The following DDAH1 variants were observed in gnomAD, a reference collection of about 807,000 sequenced individuals.
The protein encoded by DDAH1 is N(G),N(G)-dimethylarginine dimethylaminohydrolase 1.
Under a neutral mutation model 28.8 loss-of-function variants are expected in DDAH1, and 19 were observed. The observed-to-expected ratio is 0.66, with a 90% confidence interval of 0.46 to 0.97. DDAH1 has a LOEUF of 0.97. Ranked by LOEUF, DDAH1 falls within the 50% of genes least tolerant of loss-of-function variation. The probability of loss-of-function intolerance (pLI) is 0.00; values close to 1 mark genes in which losing one functional copy is unlikely to be tolerated. For synonymous variants in DDAH1, 153 were observed against 154.4 expected (o/e 0.99, Z 0.07); for missense variants, 326 against 375.9 (o/e 0.87, Z 1.10).
chr1:85,410,362 G>A (rs981492676), intron 1 of DDAH1, among the ~76,000 whole-genome samples: 33 of 152,060 alleles, frequency 2.2e-4, no homozygotes, highest in Middle Eastern at 3.4e-3. Context: ...AAATGAGGCC[G>A]GGCATGGTGG....
intron 1 of DDAH1, among the ~76,000 whole-genome samples, chr1:85,383,220 T>C (rs1651086850): frequency 1.3e-5 from 2 of 152,196 alleles, no homozygotes; most frequent in Non-Finnish European, 2.9e-5. Context: ...TTGTGATTCA[T>C]GGGAGGAGGT....
At chr1:85,492,267 T>C (rs777743676) in intron 2 of DDAH1, among the ~76,000 whole-genome samples, 5 of 152,052 alleles carry the variant, frequency 3.3e-5, no homozygotes, top group African/African-American at 4.8e-5. Flanking sequence ...AAATAGAAAA[T>C]GTTCAGAAAT....
intron 1 of DDAH1, among the ~76,000 whole-genome samples, chr1:85,426,925 A>AAC (rs1553133525): frequency 6.2e-5 from 9 of 146,084 alleles, no homozygotes; most frequent in African/African-American, 2.2e-4. Context: ...AAAAAACAAA[A>AAC]AAAAAAAAAA....
At chr1:85,344,473 G>C (rs1379408071) in intron 4 of DDAH1, among the ~76,000 whole-genome samples, 1 of 152,188 alleles carries the variant, frequency 6.6e-6, no homozygotes, top group Non-Finnish European at 1.5e-5. Flanking sequence ...GTCCCTCCCA[G>C]GTGGGGTCAG....
chr1:85,469,479 A>G (rs1403347677), upstream of DDAH1, among the ~76,000 whole-genome samples: 3 of 152,262 alleles, frequency 2.0e-5, no homozygotes, highest in Non-Finnish European at 4.4e-5. Context: ...TCATAGAGTT[A>G]TTATAAATGT....
At chr1:85,506,920 G>A (rs1657038108) in intron 1 of DDAH1, among the ~76,000 whole-genome samples, 1 of 152,188 alleles carries the variant, frequency 6.6e-6, no homozygotes, top group Non-Finnish European at 1.5e-5. Flanking sequence ...GCAGTAGTCA[G>A]AGAGTGACCA....
In DDAH1 at chr1:85,351,487, TA is replaced by T. The variant is rs1357815460; in HGVS notation, c.477+18del. The T allele has an allele frequency of 1.2e-6, 2 of 1,607,292 alleles. No homozygotes were observed. Among genetic ancestry groups the T allele is most frequent in the Non-Finnish European group, 1.7e-6 (2 of 1,173,920 alleles). ...TTAAGTAATTGCTTTGTGCCAGGCA[TA>T]AACTACCTTTTACCTACCTTAAAAG... On this transcript the variant is annotated intron_variant, in intron 3 of 5. Coordinates refer to ENST00000284031, the MANE Select transcript of DDAH1 (RefSeq NM_012137.4).
At chr1:85,573,169 A>C in intron 1 of DDAH1, among the ~76,000 whole-genome samples, 1 of 152,202 alleles carries the variant, frequency 6.6e-6, no homozygotes, top group Non-Finnish European at 1.5e-5. Context: ...AACTGCTTGA[A>C]TACTCCCTTA....
At chr1:85,471,417 G>C (rs1655618208) in intron 2 of DDAH1, among the ~76,000 whole-genome samples, 1 of 152,124 alleles carries the variant, frequency 6.6e-6, no homozygotes, top group Non-Finnish European at 1.5e-5. Context: ...TATGCCATTT[G>C]TTTTTTACCA....
At chr1:85,451,060 G>A (rs184368164) in intron 1 of DDAH1, among the ~76,000 whole-genome samples, 44 of 152,306 alleles carry the variant, frequency 2.9e-4, no homozygotes, top group East Asian at 1.9e-4. Context: ...TGGCACAGGC[G>A]CTGGGTGACT....
chr1:85,334,501 G>A (rs1481993023), intron 4 of DDAH1, among the ~76,000 whole-genome samples: 1 of 152,216 alleles, frequency 6.6e-6, no homozygotes, highest in African/African-American at 2.4e-5. Flanking sequence ...GACCCGGAGG[G>A]AGATGATTGG....
In DDAH1 at chr1:85,465,157, T is replaced by A; in HGVS notation, c.-112A>T. 1 of 1,153,992 alleles carries A rather than the reference T, an allele frequency of 8.7e-7. No homozygotes were observed. The highest frequency in any genetic ancestry group is 1.1e-6 in the Non-Finnish European group (1 of 938,840). 71.5% of individuals were successfully genotyped at this position (1,153,992 alleles called of 1,614,324 possible). ...TCGGCTCCTCTTGGCAGCCGCTGAATGTGGTGCAGAAGGAGCCCAGCTCGC... is the reference window on the plus strand; with the variant it reads ...TCGGCTCCTCTTGGCAGCCGCTGAAAGTGGTGCAGAAGGAGCCCAGCTCGC... On this transcript the variant is annotated 5_prime_UTR_variant, in exon 1 of 6. Coordinates refer to ENST00000284031, the MANE Select transcript of DDAH1 (RefSeq NM_012137.4).
At chr1:85,572,695 G>T (rs1465258301) in intron 1 of DDAH1, among the ~76,000 whole-genome samples, 4 of 152,202 alleles carry the variant, frequency 2.6e-5, no homozygotes, top group Non-Finnish European at 5.9e-5. Context: ...GCTCAGGCAT[G>T]GCATTTTTTA....
chr1:85,540,182 A>G (rs1419430060), intron 1 of DDAH1, among the ~76,000 whole-genome samples: 1 of 152,160 alleles, frequency 6.6e-6, no homozygotes, highest in Non-Finnish European at 1.5e-5. Flanking sequence ...TATCATCCCC[A>G]TTTTAAACTA....
At chr1:85,456,420 A>G (rs75854616) in intron 1 of DDAH1, among the ~76,000 whole-genome samples, 3,268 of 152,352 alleles carry the variant, frequency 0.021, 87 homozygotes, top group East Asian at 0.12. Context: ...TGACTTTACA[A>G]TGGTGCAAAA....
At chr1:85,366,747 TA>T (rs1466116128) in intron 1 of DDAH1, among the ~76,000 whole-genome samples, 1 of 152,124 alleles carries the variant, frequency 6.6e-6, no homozygotes, top group Non-Finnish European at 1.5e-5. Flanking sequence ...AAAAGTGGAT[TA>T]AAAAAACTCC....
intron 1 of DDAH1, among the ~76,000 whole-genome samples, chr1:85,534,624 T>G (rs1195282799): frequency 6.6e-6 from 1 of 152,086 alleles, no homozygotes; most frequent in Non-Finnish European, 1.5e-5. Flanking sequence ...TACTTTCAGC[T>G]TCTTTCCAAT....
intron 2 of DDAH1, among the ~76,000 whole-genome samples, chr1:85,483,237 C>T (rs1414778470): frequency 2.7e-5 from 4 of 149,766 alleles, no homozygotes; most frequent in African/African-American, 9.8e-5. Context: ...AAAGAATTCT[C>T]TTAAAAAATA....
intron 1 of DDAH1, among the ~76,000 whole-genome samples, chr1:85,531,228 C>A (rs1241848010): frequency 3.9e-5 from 6 of 152,128 alleles, no homozygotes; most frequent in Non-Finnish European, 7.4e-5. Flanking sequence ...CTACCCCTTT[C>A]AATCCTGACT....
Sources: gnomAD v4.1 joint callset for allele counts (sites outside exome capture counted in the v4.1 genomes callset) on GRCh38, gnomAD v4.1.1 for gene constraint, MANE v1.5 for transcripts, NCBI Gene and HGNC (gene_info 2026-07-23, HGNC 2026-07-21) for gene names.